FSTL5: variants seen among roughly 807,000 people sequenced by gnomAD.
FSTL5 encodes follistatin like 5.
Under a neutral mutation model 89.1 loss-of-function variants are expected in FSTL5, and 62 were observed. That is an observed-to-expected ratio of 0.70 (90% CI 0.57 to 0.86). The LOEUF is 0.86. Ranked by LOEUF, FSTL5 falls within the 40% of genes least tolerant of loss-of-function variation. FSTL5 has a pLI of 0.00. For synonymous variants in FSTL5, 383 were observed against 346.2 expected, an observed-to-expected ratio of 1.11 and a Z score of -1.18; for missense variants, 1,057 against 1,001.6, an observed-to-expected ratio of 1.06 and a Z score of -0.75.
chr4:161,703,413 C>T (rs915362788), intron 6 of FSTL5, among the ~76,000 whole-genome samples: 1 of 151,938 alleles, frequency 6.6e-6, no homozygotes, highest in African/African-American at 2.4e-5. Context: ...TTTGTTTGAC[C>T]CAAGATTTGT....
intron 15 of FSTL5, among the ~76,000 whole-genome samples, chr4:161,452,999 C>T (rs1733226110): frequency 6.6e-6 from 1 of 152,102 alleles, no homozygotes; most frequent in African/African-American, 2.4e-5. Context: ...TCATTTAGAA[C>T]CCAAAGAGAT....
chr4:162,046,717 A>G (rs1181953989), intron 2 of FSTL5, among the ~76,000 whole-genome samples: 3 of 152,164 alleles, frequency 2.0e-5, no homozygotes, highest in African/African-American at 7.2e-5. Flanking sequence ...TCACTAATGA[A>G]AAGATTTGTA....
intron 7 of FSTL5, among the ~76,000 whole-genome samples, chr4:161,594,321 T>C (rs552884639): frequency 2.8e-4 from 43 of 152,290 alleles, no homozygotes; most frequent in African/African-American, 1.0e-3. Context: ...TGCAAAATGG[T>C]ATATTCATAT....
intron 5 of FSTL5, among the ~76,000 whole-genome samples, chr4:161,763,294 A>T (rs910076254): frequency 6.6e-6 from 1 of 152,168 alleles, no homozygotes; most frequent in Admixed American, 6.5e-5. Context: ...AAATATATAT[A>T]TTTTGCCATA....
Position 161,433,183 on chromosome 4 carries a change from T to A in FSTL5, c.1841+21821A>T, listed in dbSNP as rs547354651. On this transcript the variant is annotated intron_variant, in intron 15 of 15. Coordinates refer to ENST00000306100, the MANE Select transcript of FSTL5 (RefSeq NM_020116.5). Reference sequence around the variant, plus strand: ...ATTGATGTAAAAATCCTCAATGAAATATGAGCAAACTAAGTTCAATAATAA... The same window carrying A: ...ATTGATGTAAAAATCCTCAATGAAAAATGAGCAAACTAAGTTCAATAATAA... 2.9e-4 allele frequency among the ~76,000 whole-genome samples: 44 copies of A among 149,974 alleles called. 1 individual carries two copies. In the South Asian group the frequency reaches 9.1e-3, roughly 31 times the overall value.
chr4:161,749,552 C>A (rs1253395212), intron 6 of FSTL5, among the ~76,000 whole-genome samples: 3 of 152,144 alleles, frequency 2.0e-5, no homozygotes, highest in Non-Finnish European at 4.4e-5. Context: ...AATCCCAGCA[C>A]TTCGGGAGGC....
At chr4:162,023,346 T>C (rs1695783769) in intron 3 of FSTL5, among the ~76,000 whole-genome samples, 1 of 152,176 alleles carries the variant, frequency 6.6e-6, no homozygotes, top group African/African-American at 2.4e-5. Flanking sequence ...TTACTACATC[T>C]AAGTTAAAAA....
chr4:161,532,514 T>C (rs1731447684), intron 10 of FSTL5, among the ~76,000 whole-genome samples: 1 of 152,206 alleles, frequency 6.6e-6, no homozygotes, highest in South Asian at 2.1e-4. Flanking sequence ...AATTATTTTT[T>C]GTAGATTTAT....
chr4:161,654,087 T>C (rs1426277065), intron 7 of FSTL5, among the ~76,000 whole-genome samples: 1 of 152,148 alleles, frequency 6.6e-6, no homozygotes, highest in Admixed American at 6.6e-5. Context: ...ATGTATATTT[T>C]AGAGACCTGA....
At chr4:161,653,820 G>A (rs1405649346) in intron 7 of FSTL5, among the ~76,000 whole-genome samples, 1 of 151,944 alleles carries the variant, frequency 6.6e-6, no homozygotes, top group African/African-American at 2.4e-5. Flanking sequence ...GGAATATATT[G>A]GAAATTTGAA....
chr4:161,566,926 GCT>G (rs566319563), intron 8 of FSTL5, among the ~76,000 whole-genome samples: 97 of 152,136 alleles, frequency 6.4e-4, no homozygotes, highest in Non-Finnish European at 1.0e-3. Context: ...TACGTATGAT[GCT>G]CTGTTTTACT....
intron 4 of FSTL5, among the ~76,000 whole-genome samples, chr4:161,858,330 T>C (rs1422694882): frequency 1.3e-5 from 2 of 152,328 alleles, no homozygotes; most frequent in African/African-American, 2.4e-5. Context: ...TATTTTGTTA[T>C]AGCAGCCTGA....
chr4:161,677,207 A>T (rs894274487), intron 6 of FSTL5, among the ~76,000 whole-genome samples: 3 of 151,950 alleles, frequency 2.0e-5, no homozygotes, highest in African/African-American at 7.2e-5. Flanking sequence ...ATGTTTGGTC[A>T]TTTATAGCAT....
At chr4:162,154,562 T>G (rs1579069894) in intron 1 of FSTL5, among the ~76,000 whole-genome samples, 2 of 152,334 alleles carry the variant, frequency 1.3e-5, no homozygotes, top group Admixed American at 1.3e-4. Flanking sequence ...TAGTCCATGT[T>G]GCATGCAATA....
chr4:161,871,419 T>C (rs1299548726), intron 4 of FSTL5, among the ~76,000 whole-genome samples: 1 of 152,130 alleles, frequency 6.6e-6, no homozygotes, highest in Non-Finnish European at 1.5e-5. Flanking sequence ...TTCACATTTT[T>C]ATATGTCATG....
intron 8 of FSTL5, among the ~76,000 whole-genome samples, chr4:161,584,477 A>G (rs900698267): frequency 3.3e-5 from 5 of 152,212 alleles, no homozygotes; most frequent in African/African-American, 1.2e-4. Context: ...TTACTGGATT[A>G]TTCCCATCAG....
At chr4:161,489,207 TG>T (rs908272223) in intron 12 of FSTL5, among the ~76,000 whole-genome samples, 4 of 152,230 alleles carry the variant, frequency 2.6e-5, no homozygotes, top group Non-Finnish European at 5.9e-5. Flanking sequence ...ACTAGATGAT[TG>T]CTTTCCTGGC....
At chr4:162,029,545 A>AT (rs1160163439) in intron 3 of FSTL5, among the ~76,000 whole-genome samples, 1 of 152,164 alleles carries the variant, frequency 6.6e-6, no homozygotes, top group African/African-American at 2.4e-5. Context: ...AAGATGAATC[A>AT]TATCAAGGGA....
chr4:161,776,075 C>A lies in FSTL5; in HGVS notation c.410-1G>T. On this transcript the variant is annotated splice_acceptor_variant, in intron 4 of 15. Transcript: ENST00000306100. LOFTEE classifies it high-confidence loss of function. ...TATTCAGTAGTCTTGCACTTATCTC[C>A]TGTAACAAAAGAACTAGTTATTTTC... 1 of 1,430,550 alleles carries A rather than the reference C, an allele frequency of 7.0e-7. No homozygotes were observed. Among genetic ancestry groups the A allele is most frequent in the Non-Finnish European group, 9.4e-7 (1 of 1,065,614 alleles). 88.6% of individuals were successfully genotyped at this position (1,430,550 alleles called of 1,614,324 possible). A position where few individuals can be genotyped will look rare whatever the true frequency, so the allele number is the denominator to read the frequency against.
Sources: allele counts gnomAD v4.1 joint callset (sites outside exome capture counted in the v4.1 genomes callset), GRCh38; gene constraint gnomAD v4.1.1; transcripts MANE v1.5; gene names NCBI Gene and HGNC (gene_info 2026-07-23, HGNC 2026-07-21).